RORA: variants seen among roughly 807,000 people sequenced by gnomAD.
RORA encodes the protein RAR related orphan receptor A, also known as nuclear receptor ROR-alpha.
In RORA, 7 loss-of-function variants were observed where a neutral mutation model predicts 69.5. The ratio of observed to expected loss-of-function variants is 0.10; its 90% CI spans 0.06 to 0.19. The LOEUF is 0.19. Among genes scored for constraint, RORA ranks in the 10% least tolerant of loss-of-function variants. The pLI is 1.00. For synonymous variants in RORA, 261 were observed against 240.8 expected (o/e 1.08, Z -0.78); for missense variants, 457 against 663.0 (o/e 0.69, Z 3.41).
chr15:60,756,364 G>A (rs919714144), intron 1 of RORA, among the ~76,000 whole-genome samples: 1 of 152,178 alleles, frequency 6.6e-6, no homozygotes, highest in East Asian at 1.9e-4. Flanking sequence ...TAAGTTGTCT[G>A]ATTCTTACCC....
intron 1 of RORA, among the ~76,000 whole-genome samples, chr15:61,016,319 T>C (rs575154889): frequency 6.6e-6 from 1 of 152,266 alleles, no homozygotes; most frequent in East Asian, 1.9e-4. Context: ...CCACTAATAT[T>C]ATGGTTGCCG....
Position 60,782,680 on chromosome 15 carries a change from C to T in RORA, c.167-103994G>A, listed in dbSNP as rs573771219. ...AAGCAAAGTTTCCCGAAGACAACCC[C>T]TCTCTCAAATGTGGCCCTAAAACAT... On this transcript the variant is annotated intron_variant, in intron 1 of 10. Transcript: ENST00000335670. Among the ~76,000 whole-genome samples, 11 of 152,292 alleles carry T rather than the reference C, an allele frequency of 7.2e-5. No homozygotes were observed. The South Asian group carries it at 1.9e-3, about 26-fold the overall frequency.
At chr15:61,211,134 T>A (rs1386722541) in intron 1 of RORA, among the ~76,000 whole-genome samples, 1 of 152,206 alleles carries the variant, frequency 6.6e-6, no homozygotes, top group Non-Finnish European at 1.5e-5. Flanking sequence ...AAGGCTCTGC[T>A]GTCCTGGAGG....
At chr15:60,760,851 G>A (rs931426759) in intron 1 of RORA, among the ~76,000 whole-genome samples, 5 of 149,868 alleles carry the variant, frequency 3.3e-5, no homozygotes, top group Admixed American at 3.3e-4. Context: ...CATGCAGACA[G>A]ACACACACAC....
intron 1 of RORA, among the ~76,000 whole-genome samples, chr15:61,187,411 G>A (rs184723971): frequency 2.6e-5 from 4 of 152,278 alleles, no homozygotes; most frequent in African/African-American, 7.2e-5. Flanking sequence ...GGTAGCTCTC[G>A]AGAGGAAAAT....
In RORA at chr15:61,059,926, GAAGAAGAAC is replaced by G. The variant is rs767572418; in HGVS notation, c.166+169118_166+169126del. Among the ~76,000 whole-genome samples the G allele has an allele frequency of 7.1e-3, 913 of 128,030 alleles. 10 individuals are homozygous for G. Among genetic ancestry groups the G allele is most frequent in the African/African-American group, 0.013 (450 of 34,444 alleles). The allele number at this position is 128,030 out of a possible 152,430, so 84.0% of individuals were successfully genotyped here. A position where few individuals can be genotyped will look rare whatever the true frequency, so the allele number is the denominator to read the frequency against. On this transcript the variant is annotated intron_variant, in intron 1 of 10. Coordinates refer to ENST00000335670, the MANE Select transcript of RORA (RefSeq NM_134261.3). ...TCCACACGAAGAAGAAGAAGAAGAA[GAAGAAGAAC>G]AAGAAGAAGAAGAAGAAGAAGAAGA...
chr15:61,057,999 G>A (rs553209426), intron 1 of RORA, among the ~76,000 whole-genome samples: 2 of 152,334 alleles, frequency 1.3e-5, no homozygotes, highest in South Asian at 4.1e-4. Context: ...TTACATGAGT[G>A]TGGCTTGCTG....
At chr15:60,903,513 C>G (rs1013979993) in intron 1 of RORA, among the ~76,000 whole-genome samples, 3 of 152,220 alleles carry the variant, frequency 2.0e-5, no homozygotes, top group Non-Finnish European at 2.9e-5. Flanking sequence ...CAGGCCTCCT[C>G]AGTCTCTGTA....
At chr15:60,906,324 C>A (rs1001225246) in intron 1 of RORA, among the ~76,000 whole-genome samples, 1 of 152,200 alleles carries the variant, frequency 6.6e-6, no homozygotes, top group Non-Finnish European at 1.5e-5. Flanking sequence ...ACAAAATTAA[C>A]TACCAGGGGC....
intron 1 of RORA, among the ~76,000 whole-genome samples, chr15:61,119,393 A>G (rs925856927): frequency 1.3e-4 from 2 of 15,902 alleles, no homozygotes; most frequent in African/African-American, 2.1e-4. Flanking sequence ...GTATATGTAT[A>G]TATATATATA....
chr15:61,161,973 T>C (rs1195428323), intron 1 of RORA, among the ~76,000 whole-genome samples: 2 of 152,182 alleles, frequency 1.3e-5, no homozygotes, highest in Non-Finnish European at 2.9e-5. Flanking sequence ...ATGCATAAGA[T>C]ATTTGATGCA....
chr15:60,610,089 C>A (rs1038116367), intron 2 of RORA, among the ~76,000 whole-genome samples: 1 of 151,964 alleles, frequency 6.6e-6, no homozygotes, highest in Non-Finnish European at 1.5e-5. Flanking sequence ...AACAGAAGGG[C>A]CACCAAGAGA....
intron 1 of RORA, among the ~76,000 whole-genome samples, chr15:60,784,230 G>C (rs923608447): frequency 1.3e-5 from 2 of 152,194 alleles, no homozygotes; most frequent in African/African-American, 4.8e-5. Flanking sequence ...AAAATAGATG[G>C]AGTTATTTTG....
At chr15:61,127,430 A>G (rs1439454772) in intron 1 of RORA, among the ~76,000 whole-genome samples, 1 of 152,222 alleles carries the variant, frequency 6.6e-6, no homozygotes, top group East Asian at 1.9e-4. Flanking sequence ...AAAGGTCCAC[A>G]TGTGATGTTC....
intron 2 of RORA, among the ~76,000 whole-genome samples, chr15:60,613,174 G>A (rs2069139096): frequency 6.6e-6 from 1 of 151,796 alleles, no homozygotes; most frequent in Admixed American, 6.6e-5. Flanking sequence ...TGAGTAATAG[G>A]TCTCCTGTAT....
intron 1 of RORA, among the ~76,000 whole-genome samples, chr15:61,217,422 G>A (rs1270394843): frequency 6.7e-6 from 1 of 148,396 alleles, no homozygotes; most frequent in Non-Finnish European, 1.5e-5. Flanking sequence ...AATGATGGTA[G>A]GATTTCAATG....
chr15:60,785,284 C>T (rs537266946), intron 1 of RORA, among the ~76,000 whole-genome samples: 15 of 152,256 alleles, frequency 9.9e-5, no homozygotes, highest in African/African-American at 3.6e-4. Flanking sequence ...AGATGGTCTA[C>T]CAGGAGGCAG....
chr15:60,794,540 GCCAAAGCTTGCTTTTAGATAT>G (rs1405391272), intron 1 of RORA, among the ~76,000 whole-genome samples: 4 of 152,154 alleles, frequency 2.6e-5, no homozygotes, highest in East Asian at 3.9e-4. Flanking sequence ...ATACCACTGA[GCCAAAGCTTGCTTTTAGATAT>G]CCAAAGCTTG....
intron 2 of RORA, among the ~76,000 whole-genome samples, chr15:60,561,082 G>GTTTTTTTTTTTTTTTTTTTTTTTTTTTTT (rs571970599): frequency 8.2e-6 from 1 of 122,052 alleles, no homozygotes; most frequent in African/African-American, 3.1e-5. Context: ...TTTTGTTTTT[G>GTTTTTTTTTTTTTTTTTTTTTTTTTTTTT]TTTTTTTTTT....
Sources: gnomAD v4.1 joint callset for allele counts (sites outside exome capture counted in the v4.1 genomes callset) on GRCh38, gnomAD v4.1.1 for gene constraint, MANE v1.5 for transcripts, NCBI Gene and HGNC (gene_info 2026-07-23, HGNC 2026-07-21) for gene names.